STXBP5L: variants seen among roughly 807,000 people sequenced by gnomAD.
STXBP5L encodes syntaxin-binding protein 5-like.
STXBP5L carries 65 observed loss-of-function variants against 144.5 expected under a neutral mutation model. That is an observed-to-expected ratio of 0.45 (90% CI 0.37 to 0.55). The LOEUF (loss-of-function observed/expected upper bound fraction) is 0.55. Ranked by LOEUF, STXBP5L falls within the 20% of genes least tolerant of loss-of-function variation. The pLI is 0.00. For synonymous variants in STXBP5L, 505 were observed against 469.6 expected (o/e 1.08, Z -0.97); for missense variants, 1,298 against 1,405.5 (o/e 0.92, Z 1.22).
intron 7 of STXBP5L, among the ~76,000 whole-genome samples, chr3:121,137,461 AAC>A (rs2045312677): frequency 1.3e-5 from 2 of 152,258 alleles, no homozygotes; most frequent in South Asian, 4.1e-4. Flanking sequence ...TGGATACCAA[AAC>A]CAGGTAAGGA....
chr3:121,271,181 T>C (rs763723248), intron 18 of STXBP5L, among the ~76,000 whole-genome samples: 1 of 152,214 alleles, frequency 6.6e-6, no homozygotes, highest in Non-Finnish European at 1.5e-5. Context: ...CCCTATCCTA[T>C]ATAAACATTT....
intron 7 of STXBP5L, among the ~76,000 whole-genome samples, chr3:121,130,206 A>G (rs890311196): frequency 5.3e-5 from 8 of 152,098 alleles, no homozygotes; most frequent in African/African-American, 1.4e-4. Flanking sequence ...GGTAGATAAA[A>G]TGTTCTATTG....
At chr3:121,385,570 T>C (rs2108689604) in intron 22 of STXBP5L, among the ~76,000 whole-genome samples, 1 of 152,292 alleles carries the variant, frequency 6.6e-6, no homozygotes, top group Admixed American at 6.5e-5. Context: ...CTAGTTATTT[T>C]TAACACTCTT....
At chr3:121,055,675 A>T (rs535287556) in intron 5 of STXBP5L, among the ~76,000 whole-genome samples, 1 of 145,830 alleles carries the variant, frequency 6.9e-6, no homozygotes, top group South Asian at 2.2e-4. Flanking sequence ...ATACCCAGCT[A>T]TTTTTTTTTT....
At chr3:121,136,241 T>C (rs1004774122) in intron 7 of STXBP5L, among the ~76,000 whole-genome samples, 4 of 152,136 alleles carry the variant, frequency 2.6e-5, no homozygotes, top group African/African-American at 9.7e-5. Context: ...AGTATAAGCA[T>C]AGAGGTTTGC....
intron 20 of STXBP5L, among the ~76,000 whole-genome samples, chr3:121,331,897 T>C (rs1446702004): frequency 2.6e-5 from 4 of 152,108 alleles, no homozygotes; most frequent in African/African-American, 9.7e-5. Context: ...CAGGAGACAG[T>C]GAACCTGCTC....
At chr3:120,941,591 G>C (rs1027520148) in intron 2 of STXBP5L, among the ~76,000 whole-genome samples, 1 of 151,590 alleles carries the variant, frequency 6.6e-6, no homozygotes, top group Non-Finnish European at 1.5e-5. Flanking sequence ...CATTATTCTA[G>C]ATAAGGAATT....
chr3:121,324,714 A>G lies in STXBP5L; in HGVS notation c.2176+6174A>G, dbSNP rs532632264. The G allele has an allele frequency of 5.6e-6, 3 of 531,750 alleles. No homozygotes were observed. The South Asian group carries it at 8.4e-5, about 15-fold the overall frequency. The allele number at this position is 531,750 out of a possible 1,614,324, so 32.9% of individuals were successfully genotyped here. A position where few individuals can be genotyped will look rare whatever the true frequency, so the allele number is the denominator to read the frequency against. On this transcript the variant is annotated intron_variant, in intron 20 of 26. Coordinates refer to ENST00000471454, the MANE Select transcript of STXBP5L (RefSeq NM_001308330.2). ...TGGAAACACAAGTCCTTCATGGTGT[A>G]TGAAAACAAATTTTTCTGAAGCAAA...
intron 5 of STXBP5L, among the ~76,000 whole-genome samples, chr3:121,114,552 T>C (rs1253508209): frequency 1.3e-5 from 2 of 152,156 alleles, no homozygotes; most frequent in East Asian, 3.8e-4. Flanking sequence ...GTTAATTTTG[T>C]AACCAAACAG....
At chr3:120,980,241 CTA>C (rs984321667) in intron 3 of STXBP5L, among the ~76,000 whole-genome samples, 11 of 152,170 alleles carry the variant, frequency 7.2e-5, no homozygotes, top group Non-Finnish European at 1.3e-4. Flanking sequence ...TCTATTTAGT[CTA>C]GAGACCAATT....
At chr3:121,040,434 A>C (rs1318873977) in intron 3 of STXBP5L, among the ~76,000 whole-genome samples, 1 of 152,096 alleles carries the variant, frequency 6.6e-6, no homozygotes, top group Non-Finnish European at 1.5e-5. Flanking sequence ...TTCTTGCCTC[A>C]ACATAAACTT....
chr3:121,121,677 A>C lies in STXBP5L; in HGVS notation c.642A>C (p.Leu214Phe). ...CTCATCCAGGTCCAGTTGTACATTTAAGCGATAGCCCAAGAGATGAAGGCA... is the reference window on the plus strand; with the variant it reads ...CTCATCCAGGTCCAGTTGTACATTTCAGCGATAGCCCAAGAGATGAAGGCA... ...TKTHPGPVVH[L>F]SDSPRDEGKL... The change falls in exon 7 of 27, where the codon TTA (leucine) becomes TTC (phenylalanine). Residue 214 changes from leucine (L) to phenylalanine (F), a missense_variant. Physicochemically the swap from Leu to Phe is conservative, Grantham distance 22. Transcript: ENST00000471454. The C allele has an allele frequency of 6.2e-7, 1 of 1,605,080 alleles. No homozygotes were observed. The highest frequency in any genetic ancestry group is 8.5e-7 in the Non-Finnish European group (1 of 1,173,532).
chr3:121,120,868 A>C (rs1232986974), intron 6 of STXBP5L, among the ~76,000 whole-genome samples: 1 of 151,294 alleles, frequency 6.6e-6, no homozygotes. Context: ...AAAGTGGAGC[A>C]ATAATAAAAC....
intron 3 of STXBP5L, among the ~76,000 whole-genome samples, chr3:120,976,573 T>G (rs1357295807): frequency 2.0e-5 from 3 of 152,160 alleles, no homozygotes; most frequent in Non-Finnish European, 4.4e-5. Context: ...TAGTTATTTC[T>G]TGCCTTCTGC....
In STXBP5L at chr3:121,354,313, C is replaced by T. The variant is rs142237142; in HGVS notation, c.2177-24403C>T. On this transcript the variant is annotated intron_variant, in intron 20 of 26. Coordinates refer to ENST00000471454, the MANE Select transcript of STXBP5L (RefSeq NM_001308330.2). ...GTCTCCCATTATTATTGTGTGGGAGCCTAAGTCTCTTTGTATATCTCTAAG... is the reference window on the plus strand; with the variant it reads ...GTCTCCCATTATTATTGTGTGGGAGTCTAAGTCTCTTTGTATATCTCTAAG... Among the ~76,000 whole-genome samples, 693 of 151,960 alleles carry T rather than the reference C, an allele frequency of 4.6e-3. 5 individuals carry two copies. The highest frequency in any genetic ancestry group is 0.016 in the African/African-American group (643 of 41,464).
At chr3:121,341,504 TC>T (rs2044711202) in intron 20 of STXBP5L, among the ~76,000 whole-genome samples, 1 of 151,920 alleles carries the variant, frequency 6.6e-6, no homozygotes, top group South Asian at 2.1e-4. Context: ...GATACAGCAA[TC>T]CCACTACCAA....
At chr3:121,018,343 A>C (rs1945289672) in intron 3 of STXBP5L, among the ~76,000 whole-genome samples, 1 of 152,184 alleles carries the variant, frequency 6.6e-6, no homozygotes, top group Non-Finnish European at 1.5e-5. Flanking sequence ...ACAGTAATTA[A>C]GACAGTGTTG....
chr3:121,064,659 G>A lies in STXBP5L; in HGVS notation c.470+19124G>A, dbSNP rs149587572. Among the ~76,000 whole-genome samples, 463 of 152,184 alleles carry A rather than the reference G, an allele frequency of 3.0e-3. 3 individuals are homozygous for A. Among genetic ancestry groups the A allele is most frequent in the African/African-American group, 0.01 (432 of 41,528 alleles). On this transcript the variant is annotated intron_variant, in intron 5 of 26. Transcript: ENST00000471454. ...TGCTTAGAGTCTTTGCTTTCTCCAGGTAACATTTATAGATTTTTTTGTAGA... is the reference window on the plus strand; with the variant it reads ...TGCTTAGAGTCTTTGCTTTCTCCAGATAACATTTATAGATTTTTTTGTAGA...
intron 23 of STXBP5L, 106 bp from the exon 24 acceptor site, chr3:121,413,052 A>G (rs759820415): frequency 3.1e-6 from 3 of 957,416 alleles, no homozygotes; most frequent in Non-Finnish European, 4.3e-6. Flanking sequence ...ATAAAAAAAT[A>G]AAAAGAAACA....
Sources: allele counts gnomAD v4.1 joint callset (sites outside exome capture counted in the v4.1 genomes callset), GRCh38; gene constraint gnomAD v4.1.1; transcripts MANE v1.5; gene names NCBI Gene and HGNC (gene_info 2026-07-23, HGNC 2026-07-21).